Variants in ANXA10 observed in about 807,000 individuals in gnomAD.
ANXA10 encodes the protein annexin A10.
A neutral mutation model predicts 53.5 loss-of-function variants in ANXA10; 49 were observed. That is an observed-to-expected ratio of 0.92 (90% CI 0.73 to 1.16). ANXA10 has a LOEUF of 1.16. Among genes scored for constraint, ANXA10 ranks in the 50% most tolerant of loss-of-function variants. ANXA10 has a pLI of 0.00. For missense variants in ANXA10, 393 were observed against 394.4 expected (o/e 1.00, Z 0.03); for synonymous variants, 131 against 128.9 (o/e 1.02, Z -0.11).
At chr4:168,140,013 C>G (rs1247092661) in intron 3 of ANXA10, among the ~76,000 whole-genome samples, 3 of 152,202 alleles carry the variant, frequency 2.0e-5, no homozygotes, top group African/African-American at 4.8e-5. Flanking sequence ...TCACCTAACT[C>G]TCAACCAAAG....
intron 1 of ANXA10, among the ~76,000 whole-genome samples, chr4:168,102,791 T>G (rs1730660511): frequency 6.6e-6 from 1 of 152,086 alleles, no homozygotes; most frequent in African/African-American, 2.4e-5. Context: ...AGAAGCAAGA[T>G]TGCTAGGTCA....
rs149502985 is a variant in ANXA10 at position 168,154,523 on chromosome 4, G to A, written c.196-8005G>A. Among the ~76,000 whole-genome samples, 143 of 152,118 alleles carry A rather than the reference G, an allele frequency of 9.4e-4. 2 individuals are homozygous for A. The East Asian group carries it at 0.025, about 27-fold the overall frequency. On this transcript the variant is annotated intron_variant, in intron 3 of 11. Transcript: ENST00000359299. ...CCAGGAAGTAATCAATTTCACTTAG[G>A]GATAGAAGAAGGCCCATGGAAGAGA... is the stretch of plus-strand genomic sequence containing the variant.
intron 3 of ANXA10, among the ~76,000 whole-genome samples, 190 bp from the exon 4 acceptor site, chr4:168,162,338 T>C (rs1731799680): frequency 6.6e-6 from 1 of 152,158 alleles, no homozygotes; most frequent in Admixed American, 6.5e-5. Flanking sequence ...CATGCAGGGG[T>C]GAGATCAAAT....
At chr4:168,163,344 T>G (rs1307225305) in intron 4 of ANXA10, among the ~76,000 whole-genome samples, 1 of 152,132 alleles carries the variant, frequency 6.6e-6, no homozygotes, top group Non-Finnish European at 1.5e-5. Flanking sequence ...GTACGATGCT[T>G]GCCAATGACC....
At chr4:168,184,464 A>T in intron 10 of ANXA10, 95 bp from the exon 11 acceptor site, 1 of 1,436,246 alleles carries the variant, frequency 7.0e-7, no homozygotes, top group Admixed American at 2.0e-5. Context: ...CAGGAAGAAG[A>T]GAAAATGACT....
chr4:168,153,453 A>C (rs1578919253), intron 3 of ANXA10, among the ~76,000 whole-genome samples: 1 of 54,312 alleles, frequency 1.8e-5, no homozygotes, highest in African/African-American at 6.8e-5. Context: ...AAAAACAAAA[A>C]CAAAACAAAA....
chr4:168,119,844 A>AATTATATACTGGT (rs962053758), intron 1 of ANXA10, among the ~76,000 whole-genome samples: 1 of 152,098 alleles, frequency 6.6e-6, no homozygotes, highest in Non-Finnish European at 1.5e-5. Context: ...ATACATACCA[A>AATTATATACTGGT]ATTAACTGGT....
intron 3 of ANXA10, among the ~76,000 whole-genome samples, chr4:168,147,861 T>A (rs2149473596): frequency 6.6e-6 from 1 of 152,208 alleles, no homozygotes; most frequent in Non-Finnish European, 1.5e-5. Context: ...CCTCACTCAC[T>A]TTTTTCCTGA....
intron 2 of ANXA10, among the ~76,000 whole-genome samples, chr4:168,133,993 G>A (rs188574025): frequency 6.6e-6 from 1 of 152,120 alleles, no homozygotes; most frequent in Admixed American, 6.5e-5. Flanking sequence ...ATATGAAGAA[G>A]AGGTTATATA....
At chr4:168,136,206 G>A (rs1443581806) in intron 2 of ANXA10, among the ~76,000 whole-genome samples, 1 of 152,108 alleles carries the variant, frequency 6.6e-6, no homozygotes, top group East Asian at 1.9e-4. Context: ...TTTGCAAAGA[G>A]ACACAAATCC....
At chr4:168,115,070 G>A (rs1457130501) in intron 1 of ANXA10, among the ~76,000 whole-genome samples, 1 of 151,960 alleles carries the variant, frequency 6.6e-6, no homozygotes, top group African/African-American at 2.4e-5. Context: ...ATGGAGATAC[G>A]GTTTTGCCAT....
At chr4:168,140,618 C>CTTTTTTTTTT (rs35945870) in intron 3 of ANXA10, among the ~76,000 whole-genome samples, 1 of 147,050 alleles carries the variant, frequency 6.8e-6, no homozygotes, top group Non-Finnish European at 1.5e-5. Context: ...TAAGAAATGT[C>CTTTTTTTTTT]TTTTTTTTTT....
At chr4:168,094,222 A>C (rs1254754707) in intron 1 of ANXA10, among the ~76,000 whole-genome samples, 1 of 152,136 alleles carries the variant, frequency 6.6e-6, no homozygotes, top group Non-Finnish European at 1.5e-5. Context: ...TTTTTTTTAA[A>C]TGCAATTATT....
chr4:168,187,192 A>G (rs1045545133), intron 11 of ANXA10, among the ~76,000 whole-genome samples, 174 bp from the exon 12 acceptor site: 4 of 152,204 alleles, frequency 2.6e-5, no homozygotes, highest in South Asian at 2.1e-4. Context: ...TTCTTCAACA[A>G]CTTTCATTGG....
intron 6 of ANXA10, among the ~76,000 whole-genome samples, chr4:168,176,702 A>G (rs559137800): frequency 6.6e-6 from 1 of 152,272 alleles, no homozygotes; most frequent in South Asian, 2.1e-4. Flanking sequence ...TATTCCCAGT[A>G]TCCTAAAAGA....
chr4:168,129,361 G>C (rs1731123237), intron 2 of ANXA10, among the ~76,000 whole-genome samples: 1 of 152,076 alleles, frequency 6.6e-6, no homozygotes, highest in Non-Finnish European at 1.5e-5. Flanking sequence ...ACTTTTTATT[G>C]AGGAGTGCAA....
At chr4:168,125,576 T>C (rs1327044760) in intron 1 of ANXA10, among the ~76,000 whole-genome samples, 1 of 152,144 alleles carries the variant, frequency 6.6e-6, no homozygotes, top group Non-Finnish European at 1.5e-5. Context: ...GGCCACCTAA[T>C]TGGCTATGAA....
At chr4:168,179,445 G>C in intron 9 of ANXA10, 133 bp downstream of exon 9, 1 of 623,924 alleles carries the variant, frequency 1.6e-6, no homozygotes, top group Non-Finnish European at 2.7e-6. Flanking sequence ...TTTTTTAAAA[G>C]GACATTAACT....
intron 1 of ANXA10, among the ~76,000 whole-genome samples, chr4:168,109,738 C>A (rs1328502344): frequency 6.6e-6 from 1 of 152,130 alleles, no homozygotes; most frequent in Non-Finnish European, 1.5e-5. Flanking sequence ...GCTGAATCAT[C>A]TTTTTCTTAC....
Sources: allele counts gnomAD v4.1 joint callset (sites outside exome capture counted in the v4.1 genomes callset), GRCh38; gene constraint gnomAD v4.1.1; transcripts MANE v1.5; gene names NCBI Gene and HGNC (gene_info 2026-07-23, HGNC 2026-07-21).